The following HEMK2 variants were observed in gnomAD, a reference collection of about 807,000 sequenced individuals.
HEMK2 encodes the protein HemK methyltransferase 2, ETF1 glutamine and histone H4 lysine.
chr21:28,680,914 A>G, the HEMK2 span, among the ~76,000 whole-genome samples: 2 of 152,174 alleles, frequency 1.3e-5, no homozygotes, highest in Non-Finnish European at 2.9e-5. Context: ...AAATAATAAG[A>G]GCTATTTATG....
the HEMK2 span, among the ~76,000 whole-genome samples, chr21:28,657,789 A>G: frequency 0.045 from 6,816 of 152,124 alleles, 245 homozygotes; most frequent in Middle Eastern, 0.14. Flanking sequence ...AACTTAGCAC[A>G]ACAATGATCT....
At chr21:28,717,411 A>C in the HEMK2 span, among the ~76,000 whole-genome samples, 2 of 151,524 alleles carry the variant, frequency 1.3e-5, no homozygotes, top group Admixed American at 1.3e-4. Context: ...TTGTATACCT[A>C]GAAGTGTTCA....
At chr21:28,710,193 T>C in the HEMK2 span, among the ~76,000 whole-genome samples, 1 of 152,224 alleles carries the variant, frequency 6.6e-6, no homozygotes, top group Non-Finnish European at 1.5e-5. Context: ...CAGATGCCTT[T>C]CACTAAGTTA....
the HEMK2 span, among the ~76,000 whole-genome samples, chr21:28,603,295 G>C: frequency 5.3e-5 from 8 of 152,044 alleles, no homozygotes; most frequent in Non-Finnish European, 8.8e-5. Context: ...ACCCAATCTA[G>C]GTCACCCTCT....
chr21:28,825,173 G>C, the HEMK2 span, among the ~76,000 whole-genome samples: 1 of 152,194 alleles, frequency 6.6e-6, no homozygotes. Flanking sequence ...CACAGTGCAT[G>C]ACCCAGGGAA....
the HEMK2 span, among the ~76,000 whole-genome samples, chr21:28,855,779 G>A: frequency 6.6e-6 from 1 of 152,176 alleles, no homozygotes; most frequent in African/African-American, 2.4e-5. Flanking sequence ...GGTAAGCAAT[G>A]AAATTAAGGC....
At chr21:28,653,008 A>G in the HEMK2 span, among the ~76,000 whole-genome samples, 192 of 152,154 alleles carry the variant, frequency 1.3e-3, 1 homozygote, top group African/African-American at 4.4e-3. Flanking sequence ...CCACCCCTCA[A>G]TTTGCATTAA....
chr21:28,660,472 T>C, the HEMK2 span, among the ~76,000 whole-genome samples: 2 of 151,494 alleles, frequency 1.3e-5, no homozygotes, highest in Non-Finnish European at 3.0e-5. Context: ...AAACTATCTA[T>C]ACTAAGAATT....
the HEMK2 span, among the ~76,000 whole-genome samples, chr21:28,783,883 A>C: frequency 1.3e-5 from 2 of 152,176 alleles, no homozygotes; most frequent in African/African-American, 4.8e-5. Flanking sequence ...CCGGGCAGTG[A>C]GGGGCTTAGC....
At chr21:28,644,447 C>A in the HEMK2 span, among the ~76,000 whole-genome samples, 2 of 152,136 alleles carry the variant, frequency 1.3e-5, no homozygotes, top group South Asian at 2.1e-4. Context: ...CATCCCACCA[C>A]CACCACCTAT....
At chr21:28,615,061 T>C in the HEMK2 span, among the ~76,000 whole-genome samples, 1 of 152,118 alleles carries the variant, frequency 6.6e-6, no homozygotes, top group Non-Finnish European at 1.5e-5. Flanking sequence ...CCCAGCATGG[T>C]GAGATACAAG....
At chr21:28,799,145 G>A in the HEMK2 span, among the ~76,000 whole-genome samples, 1 of 152,194 alleles carries the variant, frequency 6.6e-6, no homozygotes, top group African/African-American at 2.4e-5. Context: ...TTTTTATGCT[G>A]CTGATAAAGA....
At chr21:28,770,169 G>A in the HEMK2 span, among the ~76,000 whole-genome samples, 1 of 152,128 alleles carries the variant, frequency 6.6e-6, no homozygotes, top group Non-Finnish European at 1.5e-5. Context: ...GATTTCACAA[G>A]GAAGTAGAGT....
the HEMK2 span, among the ~76,000 whole-genome samples, chr21:28,601,816 TG>T: frequency 6.6e-6 from 1 of 152,212 alleles, no homozygotes; most frequent in African/African-American, 2.4e-5. Context: ...AATGAATGAA[TG>T]GATGTCTGAA....
the HEMK2 span, among the ~76,000 whole-genome samples, chr21:28,629,551 T>C: frequency 5.3e-5 from 8 of 152,242 alleles, no homozygotes; most frequent in Non-Finnish European, 1.2e-4. Flanking sequence ...ATTGGAGCTA[T>C]GCAGAGCAGC....
At chr21:28,576,553 T>C in the HEMK2 span, among the ~76,000 whole-genome samples, 2 of 152,204 alleles carry the variant, frequency 1.3e-5, no homozygotes, top group African/African-American at 4.8e-5. Context: ...ATGTCTTTCA[T>C]AAATAGAATT....
At chr21:28,768,462 T>C in the HEMK2 span, among the ~76,000 whole-genome samples, 1 of 152,024 alleles carries the variant, frequency 6.6e-6, no homozygotes, top group South Asian at 2.1e-4. Context: ...AAATACCCAT[T>C]CTTTTTCATT....
chr21:28,804,842 T>C, the HEMK2 span, among the ~76,000 whole-genome samples: 2 of 152,364 alleles, frequency 1.3e-5, no homozygotes, highest in African/African-American at 4.8e-5. Flanking sequence ...GCAGCATTCA[T>C]TGAGTGACAA....
the HEMK2 span, chr21:28,876,424 G>C: frequency 1.9e-6 from 3 of 1,611,526 alleles, no homozygotes; most frequent in Non-Finnish European, 2.5e-6. Flanking sequence ...GAGTTTCTTG[G>C]CCTGCTTGTC....
Sources: allele counts gnomAD v4.1 joint callset (sites outside exome capture counted in the v4.1 genomes callset), GRCh38; gene constraint gnomAD v4.1.1; transcripts MANE v1.5; gene names NCBI Gene and HGNC (gene_info 2026-07-23, HGNC 2026-07-21).